Variants in LGSN observed in about 807,000 individuals in gnomAD.
The protein encoded by LGSN is lengsin.
A neutral mutation model predicts 19.5 loss-of-function variants in LGSN; 21 were observed. The observed-to-expected ratio is 1.07, with a 90% CI of 0.76 to 1.55. The LOEUF (loss-of-function observed/expected upper bound fraction) is 1.55, where lower values mean the gene tolerates loss of function less well. Ranked by LOEUF, LGSN falls within the 40% of genes most tolerant of loss-of-function variation. The pLI is 0.00. For missense variants in LGSN, 673 were observed against 608.5 expected, an observed-to-expected ratio of 1.11 and a Z score of -1.12; for synonymous variants, 257 against 215.6, an observed-to-expected ratio of 1.19 and a Z score of -1.68.
chr6:63,517,396 T>G, the LGSN span, among the ~76,000 whole-genome samples: 3 of 152,260 alleles, frequency 2.0e-5, no homozygotes, highest in East Asian at 5.8e-4. Context: ...TTACACCAAG[T>G]GTTGCCTAAT....
At chr6:63,441,810 T>A in the LGSN span, 1 of 286,294 alleles carries the variant, frequency 3.5e-6, no homozygotes, top group Admixed American at 4.5e-5. Flanking sequence ...GTGCTGAAAC[T>A]GCTGCTGCTG....
At chr6:63,352,300 ATTCT>A in the LGSN span, among the ~76,000 whole-genome samples, 107 of 152,294 alleles carry the variant, frequency 7.0e-4, no homozygotes, top group Non-Finnish European at 1.4e-3. Context: ...ATTGTTTTGT[ATTCT>A]TTCTATTTTG....
chr6:63,393,545 G>A, the LGSN span, among the ~76,000 whole-genome samples: 4 of 152,134 alleles, frequency 2.6e-5, no homozygotes, highest in African/African-American at 9.7e-5. Context: ...AAGCCCATTT[G>A]CACAATAAGA....
chr6:63,339,226 T>A, the LGSN span, among the ~76,000 whole-genome samples: 77 of 152,308 alleles, frequency 5.1e-4, no homozygotes, highest in Middle Eastern at 6.8e-3. Context: ...GATGTTTCTT[T>A]GTTGATTTTC....
chr6:63,359,899 T>G, the LGSN span, among the ~76,000 whole-genome samples: 1 of 152,174 alleles, frequency 6.6e-6, no homozygotes, highest in East Asian at 1.9e-4. Flanking sequence ...CTGTAAAGTA[T>G]TTTATTTCTC....
chr6:63,476,598 C>A, the LGSN span, among the ~76,000 whole-genome samples: 6 of 152,212 alleles, frequency 3.9e-5, no homozygotes, highest in East Asian at 3.8e-4. Context: ...ACTCAAGCAC[C>A]TACATGCTGT....
At chr6:63,529,131 G>GTGTGTATATATATATATATGTATATATA in the LGSN span, among the ~76,000 whole-genome samples, 7 of 131,190 alleles carry the variant, frequency 5.3e-5, no homozygotes, top group African/African-American at 1.8e-4. Context: ...GTATATATAT[G>GTGTGTATATATATATATATGTATATATA]TGTGTGTATA....
the LGSN span, among the ~76,000 whole-genome samples, chr6:63,402,753 C>T: frequency 2.0e-5 from 3 of 151,568 alleles, no homozygotes; most frequent in African/African-American, 7.3e-5. Flanking sequence ...GATGTTTGGG[C>T]AAACACCAAC....
At chr6:63,545,805 A>G in the LGSN span, among the ~76,000 whole-genome samples, 6 of 152,110 alleles carry the variant, frequency 3.9e-5, no homozygotes, top group African/African-American at 1.2e-4. Context: ...TAGCTTTCCC[A>G]TGTTCCATAT....
the LGSN span, among the ~76,000 whole-genome samples, chr6:63,507,222 A>G: frequency 3.9e-5 from 6 of 152,122 alleles, no homozygotes; most frequent in South Asian, 1.2e-3. Context: ...CACTATCGCT[A>G]ATGTACTGTG....
At chr6:63,283,862 G>A (rs971346355) in intron 3 of LGSN, among the ~76,000 whole-genome samples, 8 of 151,952 alleles carry the variant, frequency 5.3e-5, no homozygotes, top group Non-Finnish European at 8.8e-5. Flanking sequence ...ACCAGGCCCA[G>A]CTAATTTTTG....
chr6:63,434,697 C>T, the LGSN span, among the ~76,000 whole-genome samples: 4 of 151,760 alleles, frequency 2.6e-5, no homozygotes, highest in South Asian at 8.3e-4. Context: ...AAAAAGGAAG[C>T]TGGAGCAGTA....
At chr6:63,460,100 C>CTTTTTTTTTTTTTT in the LGSN span, among the ~76,000 whole-genome samples, 93 of 56,148 alleles carry the variant, frequency 1.7e-3, 1 homozygote, top group Non-Finnish European at 2.1e-3. Flanking sequence ...ATTTCATTCC[C>CTTTTTTTTTTTTTT]TTTTTTTTTT....
chr6:63,552,788 G>C, the LGSN span, among the ~76,000 whole-genome samples: 1 of 152,140 alleles, frequency 6.6e-6, no homozygotes, highest in African/African-American at 2.4e-5. Context: ...TTATTAAATA[G>C]GGAAACCTTT....
At chr6:63,323,584 A>G (rs796294110), upstream of LGSN, among the ~76,000 whole-genome samples, 976 of 151,038 alleles carry the variant, frequency 6.5e-3, 13 homozygotes, top group African/African-American at 0.022. Flanking sequence ...ACACACACAC[A>G]CACACACACA....
At chr6:63,518,110 C>T in the LGSN span, among the ~76,000 whole-genome samples, 1 of 149,574 alleles carries the variant, frequency 6.7e-6, no homozygotes, top group Non-Finnish European at 1.5e-5. Flanking sequence ...CCAGATAGTA[C>T]CATATCGCAC....
At chr6:63,381,858 A>G in the LGSN span, among the ~76,000 whole-genome samples, 2 of 152,244 alleles carry the variant, frequency 1.3e-5, no homozygotes, top group Non-Finnish European at 2.9e-5. Context: ...CTAAGGAAAC[A>G]GAAATGTCTC....
chr6:63,283,814 C>A (rs1180892367), intron 3 of LGSN, among the ~76,000 whole-genome samples: 1 of 152,084 alleles, frequency 6.6e-6, no homozygotes, highest in Non-Finnish European at 1.5e-5. Context: ...GATTCTCCTG[C>A]CTCAGCTTCC....
the LGSN span, among the ~76,000 whole-genome samples, chr6:63,505,672 T>C: frequency 6.6e-6 from 1 of 151,098 alleles, no homozygotes; most frequent in Non-Finnish European, 1.5e-5. Context: ...TTGTTTTGTT[T>C]TGTTTTGTTT....
Sources: gnomAD v4.1 joint callset for allele counts (sites outside exome capture counted in the v4.1 genomes callset) on GRCh38, gnomAD v4.1.1 for gene constraint, MANE v1.5 for transcripts, NCBI Gene and HGNC (gene_info 2026-07-23, HGNC 2026-07-21) for gene names.